The following SF3B3 variants were observed in gnomAD, a reference collection of about 807,000 sequenced individuals.
SF3B3 encodes SAP 130.
Under a neutral mutation model 139.2 loss-of-function variants are expected in SF3B3, and 33 were observed. That is an observed-to-expected ratio of 0.24 (90% CI 0.18 to 0.32). The LOEUF (loss-of-function observed/expected upper bound fraction) is 0.32, where lower values mean the gene tolerates loss of function less well. SF3B3 is among the 10% of genes least tolerant of loss of function. The pLI, the probability that SF3B3 is intolerant of heterozygous loss-of-function variation, is 1.00. For missense variants in SF3B3, 818 were observed against 1,509.4 expected (o/e 0.54, Z 7.59); for synonymous variants, 596 against 563.6 (o/e 1.06, Z -0.81).
At chr16:70,571,298 G>C (rs1249315055) in intron 25 of SF3B3, 99 bp downstream of exon 25, 1 of 853,116 alleles carries the variant, frequency 1.2e-6, no homozygotes, top group Non-Finnish European at 1.9e-6. Context: ...GCTCCCCTCA[G>C]GGCAGACCAC....
At chr16:70,559,310 GTTCACCTGTT>G (rs1223976169) in intron 15 of SF3B3, among the ~76,000 whole-genome samples, 1 of 151,992 alleles carries the variant, frequency 6.6e-6, no homozygotes, top group Non-Finnish European at 1.5e-5. Flanking sequence ...TTTTCCCATT[GTTCACCTGTT>G]TTCAGAGTAA....
At chr16:70,556,861 T>G (rs747495434) in intron 14 of SF3B3, 25 bp from the exon 15 acceptor site, 1 of 1,613,742 alleles carries the variant, frequency 6.2e-7, no homozygotes, top group Non-Finnish European at 8.5e-7. Context: ...TTTCTGTGTT[T>G]TTATGATTTT....
intron 13 of SF3B3, 95 bp from the exon 14 acceptor site, chr16:70,556,083 CT>C (rs2050377499): frequency 8.0e-7 from 1 of 1,243,068 alleles, no homozygotes; most frequent in African/African-American, 1.5e-5. Context: ...TACAACAGCC[CT>C]CCTTCATTCT....
chr16:70,539,319 G>T, intron 8 of SF3B3, 112 bp downstream of exon 8: 1 of 761,250 alleles, frequency 1.3e-6, no homozygotes, highest in Non-Finnish European at 2.3e-6. Flanking sequence ...AGGCTGAGGT[G>T]GGTGAATCAC....
chr16:70,571,020 G>T (rs773975969), intron 24 of SF3B3, 75 bp from the exon 25 acceptor site: 6 of 962,240 alleles, frequency 6.2e-6, no homozygotes, highest in East Asian at 2.4e-5. Context: ...TGGCTTGTCT[G>T]TTCGTTGTGC....
chr16:70,561,460 C>G, intron 16 of SF3B3, 170 bp from the exon 17 acceptor site: 1 of 613,556 alleles, frequency 1.6e-6, no homozygotes, highest in Non-Finnish European at 2.9e-6. Flanking sequence ...TATGCTAAGC[C>G]ATAGTGCCTC....
intron 1 of SF3B3, among the ~76,000 whole-genome samples, chr16:70,525,472 A>G (rs974988573): frequency 6.6e-6 from 1 of 152,106 alleles, no homozygotes; most frequent in African/African-American, 2.4e-5. Flanking sequence ...GGATTGTATC[A>G]GTTATAAGGA....
chr16:70,569,811 TATACGAGAC>T lies in SF3B3; in HGVS notation c.3265-194_3265-186del, dbSNP rs772554266. 1.6e-3 allele frequency: 915 copies of T among 573,460 alleles called. 1 individual carries two copies. Among genetic ancestry groups the T allele is most frequent in the Non-Finnish European group, 2.5e-3 (817 of 324,436 alleles). The allele number at this position is 573,460 out of a possible 1,614,324, so 35.5% of individuals were successfully genotyped here. The stretch of plus-strand genomic sequence containing the variant: ...ACCTGGCAGATTTTGTGGGTATGGG[TATACGAGAC>T]CTCACTGTGTTGCCCAGGCTGGTCT... On this transcript the variant is annotated intron_variant, in intron 23 of 25. Transcript: ENST00000302516.
chr16:70,528,314 G>A lies in SF3B3; in HGVS notation c.71-559G>A, dbSNP rs886548273. On this transcript the variant is annotated intron_variant, in intron 2 of 25. Transcript: ENST00000302516. ...GGAGTAGCTGGGATTATAGGCACGT[G>A]CCACCACACCTGGCTAATTTTTGTA... 9.3e-5 allele frequency among the ~76,000 whole-genome samples: 14 copies of A among 151,222 alleles called. No homozygotes were observed. In the Middle Eastern group the frequency reaches 0.01, roughly 112 times the overall value.
chr16:70,529,732 AG>A (rs1231025920), intron 3 of SF3B3: 1 of 152,678 alleles, frequency 6.5e-6, no homozygotes, highest in Non-Finnish European at 1.5e-5. Flanking sequence ...GACCTGTATT[AG>A]GAAGAAGGGG....
chr16:70,532,236 G>A lies in SF3B3; in HGVS notation c.571-243G>A, dbSNP rs185534884. 1.8e-3 allele frequency among the ~76,000 whole-genome samples: 278 copies of A among 151,472 alleles called. 2 individuals carry two copies. Among genetic ancestry groups the A allele is most frequent in the Admixed American group, 4.0e-3 (61 of 15,202 alleles). The stretch of plus-strand genomic sequence containing the variant: ...GAACCTGGGAGGTGGAGGTTGTGGT[G>A]AGCTGAGATCGTGCCATTGCACTCC... On this transcript the variant is annotated intron_variant, in intron 4 of 25. Transcript: ENST00000302516.
rs376974046 is a variant in SF3B3 at position 70,526,722 on chromosome 16, T to A, written c.66T>A (p.Phe22Leu). The change falls in exon 2 of 26, where the codon TTT becomes TTA. Residue 22 changes from phenylalanine to leucine, a missense_variant. Phe to Leu is a conservative substitution (Grantham distance 22). Around this residue, in one of 14 missense-constraint regions of SF3B3, gnomAD observed 144 missense variants for 259.2 expected, o/e 0.56. Transcript: ENST00000302516. The part of the protein sequence containing the change: ...TGISFAIHGN[F>L]SGTKQQEIVV... Reference sequence around the variant, plus strand: ...TCAGCTTTGCCATTCATGGAAACTTTTCTGGTAAGTTCTCTCGTTACCATC... The same window carrying A: ...TCAGCTTTGCCATTCATGGAAACTTATCTGGTAAGTTCTCTCGTTACCATC... 1 of 1,608,704 alleles carries A rather than the reference T, an allele frequency of 6.2e-7. No homozygotes were observed. The highest frequency in any genetic ancestry group is 8.5e-7 in the Non-Finnish European group (1 of 1,175,028).
At chr16:70,551,379 A>G (rs2050323574) in intron 11 of SF3B3, among the ~76,000 whole-genome samples, 1 of 152,174 alleles carries the variant, frequency 6.6e-6, no homozygotes, top group Admixed American at 6.6e-5. Flanking sequence ...TACCTTGACT[A>G]AAGCTTGGCT....
At position 70,576,813 on chromosome 16, in the gene SF3B3, T is replaced by G. The variant is rs2151798424; in HGVS notation, c.*5000T>G. On this transcript the variant is annotated 3_prime_UTR_variant, in exon 26 of 26. Transcript: ENST00000302516. ...GCCTCTAAGCATAGTCTTGGTTTCC[T>G]GCCTGTAAATTGGTAGAATAAGACT... 6.6e-6 allele frequency: 1 copy of G among 152,364 alleles called. No individual in the cohort carries two copies. Among genetic ancestry groups the G allele is most frequent in the East Asian group, 1.9e-4 (1 of 5,172 alleles). The allele number at this position is 152,364 out of a possible 1,614,324, so 9.4% of individuals were successfully genotyped here. A position where few individuals can be genotyped will look rare whatever the true frequency, so the allele number is the denominator to read the frequency against.
At position 70,568,365 on chromosome 16, in the gene SF3B3, T is replaced by A; in HGVS notation, c.3035T>A (p.Val1012Asp). 1 of 1,614,046 alleles carries A rather than the reference T, an allele frequency of 6.2e-7. No homozygotes were observed. The highest frequency in any genetic ancestry group is 8.5e-7 in the Non-Finnish European group (1 of 1,179,874). The change falls in exon 22 of 26, where the codon GTT (valine) becomes GAT (aspartate). Residue 1012 changes from valine (V) to aspartate (D), a missense_variant. Coordinates refer to ENST00000302516, the MANE Select transcript of SF3B3 (RefSeq NM_012426.5). ...VSDVQESFIW[V>D]RYKRNENQLI... ...GATGTCCAAGAAAGTTTCATCTGGG[T>A]TCGCTACAAGCGTAATGAAAACCAG...
rs2050131902 is a variant in SF3B3 at position 70,532,541 on chromosome 16, T to C, written c.633T>C (p.Tyr211=). ...ATACCCAGCAGACACTTACTTTCTATGAGCTAGACCTTGGTTTAAATCATG... is the reference window on the plus strand; with the variant it reads ...ATACCCAGCAGACACTTACTTTCTACGAGCTAGACCTTGGTTTAAATCATG... ...AANTQQTLTF[Y]ELDLGLNHVV... is the part of the protein sequence containing the mutation. The change falls in exon 5 of 26, where the codon TAT becomes TAC. Residue 211 remains tyrosine, a synonymous_variant. Coordinates refer to ENST00000302516, the MANE Select transcript of SF3B3 (RefSeq NM_012426.5). 7 of 1,614,040 alleles carry C rather than the reference T, an allele frequency of 4.3e-6. No homozygotes were observed. In the African/African-American group the frequency reaches 9.3e-5, roughly 22 times the overall value.
intron 13 of SF3B3, 64 bp from the exon 14 acceptor site, chr16:70,556,115 T>G: frequency 6.5e-7 from 1 of 1,534,720 alleles, no homozygotes; most frequent in Non-Finnish European, 9.0e-7. Context: ...GGTTTTGGGG[T>G]GAATTGGAGC....
chr16:70,538,157 T>G, intron 6 of SF3B3, 166 bp from the exon 7 acceptor site: 1 of 750,522 alleles, frequency 1.3e-6, no homozygotes, highest in East Asian at 2.5e-5. Context: ...TATATTAGAA[T>G]TTTGAGCTGT....
chr16:70,528,521 G>C (rs1251490514), intron 2 of SF3B3, among the ~76,000 whole-genome samples: 3 of 147,778 alleles, frequency 2.0e-5, no homozygotes, highest in African/African-American at 5.0e-5. Context: ...TCCCAGGATG[G>C]AGTGCAATGG....
Sources: allele counts gnomAD v4.1 joint callset (sites outside exome capture counted in the v4.1 genomes callset), GRCh38; gene constraint gnomAD v4.1.1; regional missense constraint gnomAD v4.1.1; transcripts MANE v1.5; gene names NCBI Gene and HGNC (gene_info 2026-07-23, HGNC 2026-07-21).